Variants in EEA1 observed in about 807,000 individuals in gnomAD.
EEA1 encodes early endosome antigen 1.
In EEA1, 111 loss-of-function variants were observed where a neutral mutation model predicts 209.2. That is an observed-to-expected ratio of 0.53 (90% CI 0.45 to 0.62). EEA1 has a LOEUF of 0.62. Ranked by LOEUF, EEA1 falls within the 20% of genes least tolerant of loss-of-function variation. The pLI, the probability that EEA1 is intolerant of heterozygous loss-of-function variation, is 0.00. For synonymous variants in EEA1, 536 were observed against 540.6 expected, an observed-to-expected ratio of 0.99 and a Z score of 0.12; for missense variants, 1,343 against 1,530.8, an observed-to-expected ratio of 0.88 and a Z score of 2.05.
At chr12:92,792,054 A>G (rs2136658673) in intron 21 of EEA1, among the ~76,000 whole-genome samples, 1 of 152,322 alleles carries the variant, frequency 6.6e-6, no homozygotes, top group South Asian at 2.1e-4. Flanking sequence ...AGGCAGAAAT[A>G]AAGATGTTCT....
intron 21 of EEA1, among the ~76,000 whole-genome samples, chr12:92,797,878 T>A (rs868265116): frequency 9.9e-5 from 15 of 152,204 alleles, no homozygotes; most frequent in African/African-American, 3.4e-4. Context: ...TTTGATTGTT[T>A]TAATTTATAT....
At chr12:92,885,970 T>A (rs1266416226) in intron 2 of EEA1, among the ~76,000 whole-genome samples, 1 of 151,502 alleles carries the variant, frequency 6.6e-6, no homozygotes, top group African/African-American at 2.4e-5. Flanking sequence ...TCGAAAAAAA[T>A]TCACAAAATA....
chr12:92,827,345 C>A (rs1045035070), intron 12 of EEA1, among the ~76,000 whole-genome samples: 1 of 151,910 alleles, frequency 6.6e-6, no homozygotes, highest in Admixed American at 6.6e-5. Context: ...CAGAGTGAGA[C>A]CCTGTCTCAA....
chr12:92,877,653 T>A (rs1470105150), intron 2 of EEA1, among the ~76,000 whole-genome samples: 2 of 152,098 alleles, frequency 1.3e-5, no homozygotes, highest in Non-Finnish European at 2.9e-5. Context: ...TTCAGCCTCC[T>A]GAGTAGCTGG....
intron 11 of EEA1, among the ~76,000 whole-genome samples, chr12:92,829,284 G>A (rs1384556877): frequency 6.6e-6 from 1 of 151,914 alleles, no homozygotes; most frequent in African/African-American, 2.4e-5. Flanking sequence ...TCCAGCCTAG[G>A]CAACAAAGTG....
chr12:92,793,344 CCT>C (rs1874501319), intron 21 of EEA1, among the ~76,000 whole-genome samples: 1 of 152,074 alleles, frequency 6.6e-6, no homozygotes, highest in Non-Finnish European at 1.5e-5. Flanking sequence ...TCAAATTGTC[CCT>C]GTTTGCAGAT....
chr12:92,778,998 C>A, intron 25 of EEA1, 117 bp downstream of exon 25: 2 of 917,490 alleles, frequency 2.2e-6, no homozygotes, highest in Non-Finnish European at 3.1e-6. Context: ...CTTCCTTAAT[C>A]AAAAACTAAA....
intron 9 of EEA1, among the ~76,000 whole-genome samples, chr12:92,843,819 C>A (rs1392660905): frequency 6.6e-6 from 1 of 151,932 alleles, no homozygotes; most frequent in African/African-American, 2.4e-5. Context: ...TATACTTATT[C>A]ATATCATATA....
intron 9 of EEA1, among the ~76,000 whole-genome samples, chr12:92,846,811 A>C (rs1877403077): frequency 6.6e-6 from 1 of 152,238 alleles, no homozygotes; most frequent in African/African-American, 2.4e-5. Flanking sequence ...ATACATAGTT[A>C]ATAATGTACA....
intron 21 of EEA1, among the ~76,000 whole-genome samples, chr12:92,796,137 T>C (rs1459832004): frequency 6.6e-6 from 1 of 152,074 alleles, no homozygotes; most frequent in African/African-American, 2.4e-5. Flanking sequence ...CATTATATAA[T>C]ACAGTTTTCT....
intron 9 of EEA1, 119 bp downstream of exon 9, chr12:92,850,992 G>T: frequency 1.0e-6 from 1 of 958,486 alleles, no homozygotes; most frequent in East Asian, 2.6e-5. Flanking sequence ...GATCAAAAAT[G>T]AAAGAAAGAC....
chr12:92,805,903 C>T (rs1378797351), intron 18 of EEA1, among the ~76,000 whole-genome samples: 1 of 152,096 alleles, frequency 6.6e-6, no homozygotes, highest in Admixed American at 6.5e-5. Flanking sequence ...GCCATGAATC[C>T]ATTGAGCACT....
rs1471524121 is a variant in EEA1, at chr12:92,826,298, T to C, written c.1405-13A>G. ...CTTTTTCCTTCAACTTAAAAAAATG[T>C]AGATTGTCAATTGAGAACTTAAAGG... On this transcript the variant is annotated splice_polypyrimidine_tract_variant and intron_variant, in intron 12 of 28. Transcript: ENST00000322349. 1.9e-6 allele frequency: 3 copies of C among 1,605,348 alleles called. No homozygotes were observed. The highest frequency in any genetic ancestry group is 1.1e-5 in the South Asian group (1 of 90,748).
At chr12:92,826,313 G>GAAC (rs1876296801) in intron 12 of EEA1, 28 bp from the exon 13 acceptor site, 1 of 1,591,834 alleles carries the variant, frequency 6.3e-7, no homozygotes, top group Non-Finnish European at 8.6e-7. Flanking sequence ...TGTCAATTGA[G>GAAC]AACTTAAAGG....
In EEA1 at chr12:92,795,295, C is replaced by G. The variant is rs141875548; in HGVS notation, c.2967+3597G>C. Among the ~76,000 whole-genome samples, 486 of 152,324 alleles carry G rather than the reference C, an allele frequency of 3.2e-3. 2 individuals carry two copies. The highest frequency in any genetic ancestry group is 0.011 in the African/African-American group (464 of 41,574). On this transcript the variant is annotated intron_variant, in intron 21 of 28. Coordinates refer to ENST00000322349, the MANE Select transcript of EEA1 (RefSeq NM_003566.4). Reference sequence around the variant, plus strand: ...CCAACATCAACTCAAATCTCTTCAGCAAAGCTTCTTTGATCACCCAACCTT... The same window carrying G: ...CCAACATCAACTCAAATCTCTTCAGGAAAGCTTCTTTGATCACCCAACCTT...
chr12:92,928,274 A>G (rs991492489), intron 1 of EEA1, among the ~76,000 whole-genome samples: 4 of 152,210 alleles, frequency 2.6e-5, no homozygotes, highest in African/African-American at 9.6e-5. Context: ...ACAGTTTTCT[A>G]ATGCTCTAAT....
intron 1 of EEA1, among the ~76,000 whole-genome samples, chr12:92,904,749 C>T (rs928511828): frequency 6.6e-6 from 1 of 152,186 alleles, no homozygotes; most frequent in Non-Finnish European, 1.5e-5. Flanking sequence ...TACAAATAAA[C>T]AGCCAGATGA....
intron 10 of EEA1, among the ~76,000 whole-genome samples, chr12:92,837,404 G>A (rs57463525): frequency 0.019 from 2,827 of 152,116 alleles, 96 homozygotes; most frequent in African/African-American, 0.063. Flanking sequence ...TAATACAAGC[G>A]ATATAATAAC....
At chr12:92,923,299 G>A (rs1881081862) in intron 1 of EEA1, among the ~76,000 whole-genome samples, 1 of 152,166 alleles carries the variant, frequency 6.6e-6, no homozygotes, top group South Asian at 2.1e-4. Context: ...AGTGAGCCGA[G>A]ATTGCGCCAC....
Sources: gnomAD v4.1 joint callset for allele counts (sites outside exome capture counted in the v4.1 genomes callset) on GRCh38, gnomAD v4.1.1 for gene constraint, MANE v1.5 for transcripts, NCBI Gene and HGNC (gene_info 2026-07-23, HGNC 2026-07-21) for gene names.